The following SNX29 variants were observed in gnomAD, a reference collection of about 807,000 sequenced individuals.
The protein encoded by SNX29 is sorting nexin-29.
A neutral mutation model predicts 102.1 loss-of-function variants in SNX29; 78 were observed. The observed-to-expected ratio is 0.76, with a 90% CI of 0.64 to 0.92. SNX29 has a LOEUF of 0.92. Among genes scored for constraint, SNX29 ranks in the 40% least tolerant of loss-of-function variants. The pLI, the probability that SNX29 is intolerant of heterozygous loss-of-function variation, is 0.00. For missense variants in SNX29, 1,280 were observed against 1,061.7 expected (o/e 1.21, Z -2.86); for synonymous variants, 580 against 414.5 (o/e 1.40, Z -4.85).
intron 20 of SNX29, among the ~76,000 whole-genome samples, chr16:12,565,213 G>A (rs1163616218): frequency 6.6e-6 from 1 of 152,170 alleles, no homozygotes; most frequent in African/African-American, 2.4e-5. Context: ...CAGCCAGACA[G>A]CATTACCAGT....
intron 20 of SNX29, among the ~76,000 whole-genome samples, chr16:12,562,048 C>T (rs763974050): frequency 1.3e-5 from 2 of 150,928 alleles, no homozygotes; most frequent in African/African-American, 4.8e-5. Context: ...ATGGAATCAT[C>T]TGTGCCGTTT....
intron 9 of SNX29, among the ~76,000 whole-genome samples, chr16:12,063,640 A>T (rs566030330): frequency 2.6e-5 from 4 of 151,894 alleles, no homozygotes; most frequent in Non-Finnish European, 5.9e-5. Flanking sequence ...GGCCTCCCAC[A>T]GTTGCTGGGA....
chr16:12,378,034 C>G (rs963775490), intron 16 of SNX29, among the ~76,000 whole-genome samples: 2 of 152,134 alleles, frequency 1.3e-5, no homozygotes, highest in Non-Finnish European at 2.9e-5. Context: ...AACAGAGAAG[C>G]CAGTACAAAC....
At chr16:12,504,501 G>A (rs891389111) in intron 19 of SNX29, among the ~76,000 whole-genome samples, 1 of 152,172 alleles carries the variant, frequency 6.6e-6, no homozygotes, top group Non-Finnish European at 1.5e-5. Flanking sequence ...ATCATGCACT[G>A]TGAACTCTTG....
In SNX29 at chr16:12,571,950, G is replaced by C. The variant is rs1157561802; in HGVS notation, c.*3321G>C. 2.8e-6 allele frequency: 3 copies of C among 1,061,820 alleles called. No individual in the cohort carries two copies. The highest frequency in any genetic ancestry group is 5.1e-5 in the East Asian group (1 of 19,714). 65.8% of individuals were successfully genotyped at this position (1,061,820 alleles called of 1,614,324 possible). A position where few individuals can be genotyped will look rare whatever the true frequency, so the allele number is the denominator to read the frequency against. On this transcript the variant is annotated 3_prime_UTR_variant, in exon 21 of 21. Coordinates refer to ENST00000566228, the MANE Select transcript of SNX29 (RefSeq NM_032167.5). Reference sequence around the variant, plus strand: ...TGAAGGAAGACACTTTCAGGGAAGAGGCTCTTACAGTCTATGGTGGTAGCC... The same window carrying C: ...TGAAGGAAGACACTTTCAGGGAAGACGCTCTTACAGTCTATGGTGGTAGCC...
intron 13 of SNX29, among the ~76,000 whole-genome samples, chr16:12,131,808 G>T (rs2054479586): frequency 6.6e-6 from 1 of 152,146 alleles, no homozygotes; most frequent in African/African-American, 2.4e-5. Context: ...TAATTGTTTT[G>T]TATGTCTTAT....
At chr16:12,043,745 T>G (rs573936228) in intron 5 of SNX29, among the ~76,000 whole-genome samples, 6 of 128,120 alleles carry the variant, frequency 4.7e-5, no homozygotes, top group East Asian at 1.9e-4. Context: ...AGTCATTTTT[T>G]TTGTTGTTGT....
chr16:12,122,605 T>A (rs146278641), intron 11 of SNX29, among the ~76,000 whole-genome samples: 105 of 151,944 alleles, frequency 6.9e-4, no homozygotes, highest in African/African-American at 2.4e-3. Flanking sequence ...TTCAGTATGG[T>A]TGGAGTCTAA....
intron 14 of SNX29, among the ~76,000 whole-genome samples, chr16:12,227,851 G>C (rs985809771): frequency 2.9e-5 from 4 of 137,614 alleles, no homozygotes; most frequent in Non-Finnish European, 4.6e-5. Context: ...AGTGAGCTGA[G>C]ATCCAGCCAG....
intron 15 of SNX29, among the ~76,000 whole-genome samples, chr16:12,321,345 A>C (rs778793495): frequency 1.4e-4 from 22 of 152,064 alleles, no homozygotes; most frequent in Non-Finnish European, 2.5e-4. Flanking sequence ...TGACTTCCCA[A>C]ACCCAGTCCG....
intron 3 of SNX29, among the ~76,000 whole-genome samples, chr16:12,015,924 G>A (rs1274694571): frequency 6.7e-6 from 1 of 148,436 alleles, no homozygotes; most frequent in Non-Finnish European, 1.5e-5. Flanking sequence ...AAGTGCAGTG[G>A]TGCAATCTTG....
chr16:12,207,447 T>A (rs1311850672), intron 14 of SNX29, among the ~76,000 whole-genome samples: 1 of 152,186 alleles, frequency 6.6e-6, no homozygotes, highest in African/African-American at 2.4e-5. Context: ...GTTAACCCAG[T>A]GCCTTTACTG....
chr16:12,303,163 T>G (rs1354111721), intron 15 of SNX29, among the ~76,000 whole-genome samples: 2 of 152,198 alleles, frequency 1.3e-5, no homozygotes, highest in African/African-American at 2.4e-5. Flanking sequence ...TCGATAGAGG[T>G]ATGGAGTTGG....
intron 15 of SNX29, among the ~76,000 whole-genome samples, chr16:12,287,629 T>C (rs575765487): frequency 6.6e-6 from 1 of 152,242 alleles, no homozygotes; most frequent in African/African-American, 2.4e-5. Context: ...GAAAAAACTC[T>C]GTAGTATCAT....
intron 15 of SNX29, among the ~76,000 whole-genome samples, chr16:12,308,895 C>CT (rs1312170233): frequency 6.6e-6 from 1 of 152,076 alleles, no homozygotes; most frequent in Non-Finnish European, 1.5e-5. Context: ...CTAGAAGACT[C>CT]TTAAGCCTGT....
intron 15 of SNX29, among the ~76,000 whole-genome samples, chr16:12,331,354 G>A (rs1182653689): frequency 6.6e-6 from 1 of 152,192 alleles, no homozygotes; most frequent in Admixed American, 6.5e-5. Flanking sequence ...CACAGAAGCT[G>A]TCTAAACTTT....
At chr16:12,469,304 T>A (rs1199385646) in intron 18 of SNX29, among the ~76,000 whole-genome samples, 1 of 152,214 alleles carries the variant, frequency 6.6e-6, no homozygotes, top group African/African-American at 2.4e-5. Flanking sequence ...ATACAATAAT[T>A]CAGGCATTTT....
intron 9 of SNX29, among the ~76,000 whole-genome samples, chr16:12,064,044 G>A (rs1402059856): frequency 6.6e-6 from 1 of 152,054 alleles, no homozygotes; most frequent in Non-Finnish European, 1.5e-5. Context: ...CACAGGCTCT[G>A]TCTCATGAAT....
intron 13 of SNX29, among the ~76,000 whole-genome samples, chr16:12,192,261 C>T (rs2141909244): frequency 1.3e-5 from 2 of 152,258 alleles, no homozygotes; most frequent in South Asian, 4.1e-4. Flanking sequence ...TGCAGGGTAG[C>T]CAGCAGGCTT....
Sources: allele counts gnomAD v4.1 joint callset (sites outside exome capture counted in the v4.1 genomes callset), GRCh38; gene constraint gnomAD v4.1.1; transcripts MANE v1.5; gene names NCBI Gene and HGNC (gene_info 2026-07-23, HGNC 2026-07-21).